Variants in KPNA7 observed in about 807,000 individuals in gnomAD.
The protein encoded by KPNA7 is karyopherin subunit alpha 7.
Under a neutral mutation model 53.7 loss-of-function variants are expected in KPNA7, and 54 were observed. The ratio of observed to expected loss-of-function variants is 1.01; its 90% CI spans 0.81 to 1.26. The LOEUF is 1.26. KPNA7 is among the 50% of genes most tolerant of loss of function. KPNA7 has a pLI of 0.00. For synonymous variants in KPNA7, 276 were observed against 259.3 expected, an observed-to-expected ratio of 1.06 and a Z score of -0.62; for missense variants, 640 against 644.5, an observed-to-expected ratio of 0.99 and a Z score of 0.07.
Position 99,198,943 on chromosome 7 carries a change from AT to A in KPNA7, c.202-2778del, listed in dbSNP as rs1790368020. Among the ~76,000 whole-genome samples, 12 of 152,158 alleles carry A rather than the reference AT, an allele frequency of 7.9e-5. No homozygotes were observed. In the South Asian group the frequency reaches 2.5e-3, roughly 32 times the overall value. ...GAATTGATATACAAAAATTAATTGT[AT>A]CTTTACATGCTAGCAGTGATCAAAA... On this transcript the variant is annotated intron_variant, in intron 3 of 10. Transcript: ENST00000327442.
intron 10 of KPNA7, among the ~76,000 whole-genome samples, chr7:99,177,123 C>T (rs1798933610): frequency 2.0e-5 from 3 of 152,242 alleles, no homozygotes; most frequent in South Asian, 2.1e-4. Flanking sequence ...ATATCAGTCA[C>T]AAAAGGACAA....
At chr7:99,148,311 T>C in the KPNA7 span, among the ~76,000 whole-genome samples, 181 of 152,336 alleles carry the variant, frequency 1.2e-3, no homozygotes, top group Admixed American at 3.9e-3. Context: ...TGACTGCTTT[T>C]ATTTCCCAGA....
chr7:99,194,705 G>C (rs1245229118), intron 5 of KPNA7, among the ~76,000 whole-genome samples: 1 of 152,144 alleles, frequency 6.6e-6, no homozygotes, highest in Non-Finnish European at 1.5e-5. Flanking sequence ...CCAGGTTCAA[G>C]CGATTCTCCT....
intron 1 of KPNA7, among the ~76,000 whole-genome samples, chr7:99,218,825 G>C (rs915390126): frequency 6.6e-6 from 1 of 152,238 alleles, no homozygotes. Context: ...CAGCTGCCTG[G>C]CTCATTACCC....
the KPNA7 span, among the ~76,000 whole-genome samples, chr7:99,167,281 G>A: frequency 1.3e-5 from 2 of 152,202 alleles, no homozygotes; most frequent in African/African-American, 4.8e-5. Flanking sequence ...CCTTGCCTTA[G>A]CACAGCAGTC....
At chr7:99,201,495 C>T (rs938983160) in intron 3 of KPNA7, among the ~76,000 whole-genome samples, 2 of 151,792 alleles carry the variant, frequency 1.3e-5, no homozygotes, top group Non-Finnish European at 2.9e-5. Flanking sequence ...AAAACCGTCT[C>T]TACTAAAAAT....
chr7:99,183,836 AAAT>A (rs1563071874), intron 8 of KPNA7, among the ~76,000 whole-genome samples: 4 of 152,094 alleles, frequency 2.6e-5, no homozygotes, highest in Admixed American at 1.3e-4. Context: ...AAATCAGGAG[AAAT>A]AATGTTTTTT....
intron 1 of KPNA7, among the ~76,000 whole-genome samples, chr7:99,214,278 CAAAAAAA>C (rs112803395): frequency 9.0e-6 from 1 of 111,438 alleles, no homozygotes. Context: ...TAAAAATATA[CAAAAAAA>C]AAAAAAAATT....
intron 3 of KPNA7, among the ~76,000 whole-genome samples, chr7:99,196,542 T>C (rs911012127): frequency 1.3e-5 from 2 of 152,174 alleles, no homozygotes. Context: ...ACTGTAGAAA[T>C]TGACCAAAGG....
intron 1 of KPNA7, among the ~76,000 whole-genome samples, chr7:99,219,056 T>C (rs1232815033): frequency 1.3e-5 from 2 of 152,226 alleles, no homozygotes. Context: ...ACAGGGCTGA[T>C]TCTACCCCCA....
chr7:99,219,063 C>A (rs1340563292), intron 1 of KPNA7, among the ~76,000 whole-genome samples: 1 of 152,254 alleles, frequency 6.6e-6, no homozygotes, highest in Admixed American at 6.5e-5. Flanking sequence ...TGATTCTACC[C>A]CCACGCCGAT....
intron 3 of KPNA7, among the ~76,000 whole-genome samples, chr7:99,199,595 A>G (rs944568426): frequency 2.0e-5 from 3 of 152,206 alleles, no homozygotes; most frequent in African/African-American, 7.2e-5. Flanking sequence ...ATTAACTCCA[A>G]ACGGCTCAAA....
At chr7:99,159,952 C>T in the KPNA7 span, among the ~76,000 whole-genome samples, 1 of 150,040 alleles carries the variant, frequency 6.7e-6, no homozygotes, top group East Asian at 2.0e-4. Flanking sequence ...CAGGATTTCT[C>T]ATGGTCTGGA....
intron 9 of KPNA7, among the ~76,000 whole-genome samples, chr7:99,180,555 CTCTGTCTCTGTCCA>C (rs1372302531): frequency 7.1e-6 from 1 of 141,634 alleles, no homozygotes; most frequent in African/African-American, 2.7e-5. Flanking sequence ...CTCCGTCTGT[CTCTGTCTCTGTCCA>C]TCTGTCTCTG....
At chr7:99,179,933 T>A (rs886159738) in intron 9 of KPNA7, among the ~76,000 whole-genome samples, 1 of 152,026 alleles carries the variant, frequency 6.6e-6, no homozygotes, top group Admixed American at 6.6e-5. Flanking sequence ...CCTCCAAAAC[T>A]GCCCTGATGA....
intron 2 of KPNA7, among the ~76,000 whole-genome samples, chr7:99,205,701 A>C (rs1790775992): frequency 6.6e-6 from 1 of 151,990 alleles, no homozygotes; most frequent in South Asian, 2.1e-4. Context: ...AATACAAAAA[A>C]TTAGCCAGGC....
the KPNA7 span, among the ~76,000 whole-genome samples, chr7:99,152,670 CA>C: frequency 1.6e-4 from 25 of 152,156 alleles, no homozygotes; most frequent in Non-Finnish European, 3.1e-4. Flanking sequence ...AAGGCAGCCC[CA>C]ACCTTTGCTA....
chr7:99,153,918 A>C, the KPNA7 span, among the ~76,000 whole-genome samples: 120 of 151,938 alleles, frequency 7.9e-4, no homozygotes, highest in African/African-American at 2.8e-3. Flanking sequence ...AAGTGTGATC[A>C]TATCACACTA....
chr7:99,219,176 C>T (rs920499871), intron 1 of KPNA7, among the ~76,000 whole-genome samples: 8 of 152,218 alleles, frequency 5.3e-5, no homozygotes, highest in Non-Finnish European at 7.3e-5. Context: ...GGGCGAGGCC[C>T]GGGTCTCCCA....
Sources: gnomAD v4.1 joint callset for allele counts (sites outside exome capture counted in the v4.1 genomes callset) on GRCh38, gnomAD v4.1.1 for gene constraint, MANE v1.5 for transcripts, NCBI Gene and HGNC (gene_info 2026-07-23, HGNC 2026-07-21) for gene names.